Variants in ATG5 observed in about 807,000 individuals in gnomAD.
The protein encoded by ATG5 is autophagy protein 5.
ATG5 carries 14 observed loss-of-function variants against 36.5 expected under a neutral mutation model. The observed-to-expected ratio is 0.38, with a 90% confidence interval of 0.25 to 0.60. ATG5 has a LOEUF of 0.60. ATG5 is among the 20% of genes least tolerant of loss of function. The pLI is 0.60. For synonymous variants in ATG5, 95 were observed against 101.5 expected (o/e 0.94, Z 0.38); for missense variants, 195 against 326.7 (o/e 0.60, Z 3.11).
intron 2 of ATG5, among the ~76,000 whole-genome samples, chr6:106,312,723 T>C (rs142310161): frequency 6.6e-6 from 1 of 150,852 alleles, no homozygotes; most frequent in East Asian, 1.9e-4. Flanking sequence ...AACAGGACAA[T>C]GCCACAAGAT....
chr6:106,222,040 C>A (rs554788779), intron 6 of ATG5, among the ~76,000 whole-genome samples: 2 of 152,076 alleles, frequency 1.3e-5, no homozygotes, highest in African/African-American at 4.8e-5. Context: ...TACAGGTGTG[C>A]GTCACCCTGC....
intron 3 of ATG5, chr6:106,304,046 T>C (rs565249854): frequency 1.3e-5 from 2 of 150,282 alleles, no homozygotes; most frequent in African/African-American, 4.9e-5. Context: ...TATTTGCAGA[T>C]GTCAAGACTG....
chr6:106,193,914 C>T (rs1218709253), intron 7 of ATG5, among the ~76,000 whole-genome samples: 4 of 152,248 alleles, frequency 2.6e-5, no homozygotes, highest in African/African-American at 7.2e-5. Flanking sequence ...ATTTTGTTTT[C>T]TAGTGCTAAA....
intron 5 of ATG5, among the ~76,000 whole-genome samples, chr6:106,262,006 C>T (rs1161282857): frequency 6.6e-6 from 1 of 152,150 alleles, no homozygotes; most frequent in Non-Finnish European, 1.5e-5. Flanking sequence ...GAGTGGTTCC[C>T]AAACTTTAGT....
chr6:106,193,939 G>A (rs1562203048), intron 7 of ATG5, among the ~76,000 whole-genome samples: 1 of 152,160 alleles, frequency 6.6e-6, no homozygotes. Context: ...AAATAGTTGT[G>A]CAAGTGTGTG....
intron 3 of ATG5, among the ~76,000 whole-genome samples, chr6:106,297,752 A>ACACACACACATATAT (rs1057131182): frequency 2.1e-5 from 3 of 141,962 alleles, no homozygotes; most frequent in African/African-American, 8.1e-5. Context: ...ACACACACAC[A>ACACACACACATATAT]CACACACACA....
At chr6:106,280,274 CAAAAA>C (rs71793771) in intron 4 of ATG5, among the ~76,000 whole-genome samples, 3 of 87,356 alleles carry the variant, frequency 3.4e-5, no homozygotes, top group East Asian at 6.8e-4. Context: ...AGTATTATGT[CAAAAA>C]AAAAAAAAAA....
intron 4 of ATG5, among the ~76,000 whole-genome samples, chr6:106,288,448 C>T (rs1780172471): frequency 6.6e-6 from 1 of 151,984 alleles, no homozygotes; most frequent in South Asian, 2.1e-4. Flanking sequence ...AACATACATC[C>T]AAATCTATAT....
chr6:106,317,059 C>A (rs1770879422), intron 1 of ATG5, among the ~76,000 whole-genome samples: 1 of 152,132 alleles, frequency 6.6e-6, no homozygotes, highest in Non-Finnish European at 1.5e-5. Context: ...AGCACTAGAT[C>A]TGCAAAACAA....
chr6:106,244,359 C>T (rs1342057754), intron 6 of ATG5, among the ~76,000 whole-genome samples: 1 of 152,124 alleles, frequency 6.6e-6, no homozygotes, highest in African/African-American at 2.4e-5. Flanking sequence ...CCATTCTTTA[C>T]AGGATACAGA....
At chr6:106,234,310 A>C (rs1405218317) in intron 6 of ATG5, among the ~76,000 whole-genome samples, 2 of 152,150 alleles carry the variant, frequency 1.3e-5, no homozygotes, top group Non-Finnish European at 2.9e-5. Flanking sequence ...TCTCGGCCCA[A>C]AACCCTACTA....
At chr6:106,194,462 T>A (rs988049115) in intron 7 of ATG5, among the ~76,000 whole-genome samples, 1 of 152,200 alleles carries the variant, frequency 6.6e-6, no homozygotes, top group African/African-American at 2.4e-5. Flanking sequence ...GTCAACTAAT[T>A]CACTTTATTA....
At chr6:106,318,666 G>A (rs558963575) in intron 1 of ATG5, among the ~76,000 whole-genome samples, 7 of 152,232 alleles carry the variant, frequency 4.6e-5, no homozygotes, top group Admixed American at 2.6e-4. Flanking sequence ...GCAGCTAAAG[G>A]TATAATGTAG....
At chr6:106,307,564 A>G in intron 3 of ATG5, among the ~76,000 whole-genome samples, 1 of 127,770 alleles carries the variant, frequency 7.8e-6, no homozygotes, top group Non-Finnish European at 1.6e-5. Context: ...TTTGAGACAG[A>G]GTTTCACTCT....
intron 7 of ATG5, among the ~76,000 whole-genome samples, chr6:106,200,729 C>T (rs1259268241): frequency 6.6e-6 from 1 of 152,178 alleles, no homozygotes; most frequent in Non-Finnish European, 1.5e-5. Context: ...ATCCACCCGC[C>T]TTGGCCTCCC....
At chr6:106,188,393 G>A (rs1158181281) in intron 7 of ATG5, among the ~76,000 whole-genome samples, 2 of 152,152 alleles carry the variant, frequency 1.3e-5, no homozygotes, top group Non-Finnish European at 1.5e-5. Flanking sequence ...TGAAAGAATA[G>A]TGGTGTAAGA....
intron 6 of ATG5, among the ~76,000 whole-genome samples, chr6:106,230,091 C>A (rs2114458942): frequency 1.3e-5 from 2 of 152,264 alleles, no homozygotes; most frequent in Middle Eastern, 6.8e-3. Context: ...GATGGTTCCT[C>A]CCAAATGACT....
intron 2 of ATG5, among the ~76,000 whole-genome samples, chr6:106,309,867 T>A (rs1281805905): frequency 6.6e-6 from 1 of 152,154 alleles, no homozygotes. Flanking sequence ...TAAAAATGAT[T>A]AATGGGCATT....
intron 7 of ATG5, among the ~76,000 whole-genome samples, chr6:106,187,038 T>C (rs777112746): frequency 2.6e-5 from 4 of 152,226 alleles, no homozygotes; most frequent in Admixed American, 6.5e-5. Context: ...AATATATGGT[T>C]ATTAAAAATG....
Sources: allele counts gnomAD v4.1 joint callset (sites outside exome capture counted in the v4.1 genomes callset), GRCh38; gene constraint gnomAD v4.1.1; transcripts MANE v1.5; gene names NCBI Gene and HGNC (gene_info 2026-07-23, HGNC 2026-07-21).